Variants in TBL1X observed in about 807,000 individuals in gnomAD.
TBL1X encodes F-box-like/WD repeat-containing protein TBL1X.
A neutral mutation model predicts 50.7 loss-of-function variants in TBL1X; 10 were observed. The observed-to-expected ratio is 0.20, with a 90% CI of 0.12 to 0.33. The LOEUF is 0.33. TBL1X is among the 10% of genes least tolerant of loss of function. The pLI, the probability that TBL1X is intolerant of heterozygous loss-of-function variation, is 1.00. For missense variants in TBL1X, 340 were observed against 504.4 expected (o/e 0.67, Z 3.12); for synonymous variants, 190 against 214.7 (o/e 0.88, Z 1.01).
chrX:9,673,425 T>C (rs1986660449), intron 5 of TBL1X, among the ~76,000 whole-genome samples: 1 of 111,376 alleles, frequency 9.0e-6, no homozygotes. Context: ...AAACTGTTTA[T>C]TCCTACCAAT....
chrX:9,518,966 G>A (rs2082094108), intron 2 of TBL1X, among the ~76,000 whole-genome samples: 1 of 110,902 alleles, frequency 9.0e-6, no homozygotes, highest in African/African-American at 3.3e-5. Flanking sequence ...CTGGTGCTTA[G>A]CTACATTCTA....
chrX:9,472,556 T>G (rs1287914777), intron 1 of TBL1X, among the ~76,000 whole-genome samples: 4 of 109,100 alleles, frequency 3.7e-5, no homozygotes, highest in African/African-American at 1.3e-4. Flanking sequence ...CCTCCCAAAG[T>G]GCTGCGATTA....
intron 2 of TBL1X, among the ~76,000 whole-genome samples, chrX:9,638,577 G>A (rs1045460115): frequency 7.1e-5 from 8 of 112,158 alleles, no homozygotes; most frequent in African/African-American, 2.6e-4. Context: ...ATATATAAGA[G>A]ATAATCTCAA....
At chrX:9,709,907 C>T (rs2083234782) in intron 15 of TBL1X, 147 bp downstream of exon 15, 3 of 793,094 alleles carry the variant, frequency 3.8e-6, no homozygotes, top group Non-Finnish European at 5.4e-6. Flanking sequence ...ATAGAATTAC[C>T]GAGTAACACC....
At chrX:9,707,440 C>A (rs1331743684) in intron 13 of TBL1X, among the ~76,000 whole-genome samples, 2 of 112,652 alleles carry the variant, frequency 1.8e-5, no homozygotes, top group Non-Finnish European at 3.8e-5. Flanking sequence ...CAGGACCTTG[C>A]CACCAGCACA....
At chrX:9,674,249 T>A (rs1399115146) in intron 5 of TBL1X, among the ~76,000 whole-genome samples, 4 of 110,525 alleles carry the variant, frequency 3.6e-5, no homozygotes. Context: ...CCTGCCCTCC[T>A]CCCCCCGCCC....
intron 2 of TBL1X, among the ~76,000 whole-genome samples, chrX:9,628,840 G>A (rs925679365): frequency 5.3e-5 from 6 of 112,193 alleles, no homozygotes; most frequent in African/African-American, 1.9e-4. Context: ...GAGGCACTGC[G>A]CCTGGCAGAC....
At chrX:9,658,424 G>A (rs2146603759) in intron 5 of TBL1X, among the ~76,000 whole-genome samples, 1 of 110,772 alleles carries the variant, frequency 9.0e-6, no homozygotes, top group African/African-American at 3.3e-5. Context: ...TGCACAGCCT[G>A]CACCTGCTGT....
chrX:9,492,871 GTGTGTGTGTGTGTGTGTGTGTGT>G (rs751253067), intron 1 of TBL1X, among the ~76,000 whole-genome samples: 4,318 of 53,814 alleles, frequency 0.08, 163 homozygotes, highest in South Asian at 0.21. Flanking sequence ...GTGTGTGTGT[GTGTGTGTGTGTGTGTGTGTGTGT>G]GTGTAGGGGA....
intron 2 of TBL1X, among the ~76,000 whole-genome samples, chrX:9,533,996 C>T (rs180929541): frequency 2.7e-5 from 3 of 111,544 alleles, no homozygotes; most frequent in Non-Finnish European, 5.7e-5. Flanking sequence ...CAGTGCTGAG[C>T]TCCGAGGGAG....
intron 2 of TBL1X, among the ~76,000 whole-genome samples, chrX:9,538,279 A>G (rs1221026307): frequency 9.0e-6 from 1 of 111,598 alleles, no homozygotes; most frequent in Non-Finnish European, 1.9e-5. Flanking sequence ...CCATTTTAGT[A>G]ATTTCAGCCT....
At chrX:9,576,237 T>C (rs1202454013) in intron 2 of TBL1X, among the ~76,000 whole-genome samples, 1 of 112,031 alleles carries the variant, frequency 8.9e-6, no homozygotes, top group Non-Finnish European at 1.9e-5. Context: ...CAAGTGCACT[T>C]GAGTACGCGC....
intron 15 of TBL1X, 76 bp from the exon 16 acceptor site, chrX:9,711,535 G>A (rs2083246899): frequency 1.0e-6 from 1 of 954,101 alleles, no homozygotes; most frequent in Non-Finnish European, 1.4e-6. Flanking sequence ...AACTCCTGGA[G>A]ATCTGATACA....
chrX:9,542,378 C>T (rs775585028), intron 2 of TBL1X, among the ~76,000 whole-genome samples: 6 of 111,454 alleles, frequency 5.4e-5, no homozygotes, highest in Non-Finnish European at 1.1e-4. Flanking sequence ...CCATTACAAC[C>T]GGCGGCAACA....
chrX:9,666,471 T>G (rs1164828350), intron 5 of TBL1X, among the ~76,000 whole-genome samples: 2 of 110,654 alleles, frequency 1.8e-5, no homozygotes, highest in Non-Finnish European at 3.8e-5. Flanking sequence ...CATTAATGCA[T>G]TTAGGTCACG....
chrX:9,692,364 T>C, intron 9 of TBL1X, 110 bp downstream of exon 9: 1 of 991,170 alleles, frequency 1.0e-6, no homozygotes, highest in African/African-American at 1.9e-5. Flanking sequence ...GGTGGTCCTG[T>C]GTGCTCAGCC....
At chrX:9,549,413 A>G (rs2082260325) in intron 2 of TBL1X, among the ~76,000 whole-genome samples, 1 of 112,836 alleles carries the variant, frequency 8.9e-6, no homozygotes, top group Non-Finnish European at 1.9e-5. Flanking sequence ...AATGATATAA[A>G]ATGAAAGTGT....
chrX:9,485,806 G>A (rs1283640977), intron 1 of TBL1X, among the ~76,000 whole-genome samples: 2 of 112,272 alleles, frequency 1.8e-5, no homozygotes, highest in African/African-American at 6.5e-5. Flanking sequence ...ATCAATTCAC[G>A]AAAGGGGGCC....
chrX:9,592,818 G>T (rs760265778), intron 2 of TBL1X, among the ~76,000 whole-genome samples: 1 of 112,221 alleles, frequency 8.9e-6, no homozygotes, highest in African/African-American at 3.2e-5. Flanking sequence ...TATTTTTGTG[G>T]CCGAATACTA....
Sources: allele counts gnomAD v4.1 joint callset (sites outside exome capture counted in the v4.1 genomes callset), GRCh38; gene constraint gnomAD v4.1.1; transcripts MANE v1.5; gene names NCBI Gene and HGNC (gene_info 2026-07-23, HGNC 2026-07-21).